U2SURP: variants seen among roughly 807,000 people sequenced by gnomAD.
The protein encoded by U2SURP is U2 snRNP associated SURP domain containing.
A neutral mutation model predicts 144.9 loss-of-function variants in U2SURP; 9 were observed. The observed-to-expected ratio is 0.06, with a 90% CI of 0.04 to 0.11. The LOEUF (loss-of-function observed/expected upper bound fraction) is 0.11. U2SURP is among the 10% of genes least tolerant of loss of function. The pLI is 1.00. For synonymous variants in U2SURP, 408 were observed against 396.8 expected (o/e 1.03, Z -0.33); for missense variants, 724 against 1,226.7 (o/e 0.59, Z 6.12).
intron 1 of U2SURP, among the ~76,000 whole-genome samples, chr3:143,005,479 T>C (rs750595681): frequency 6.6e-6 from 1 of 152,238 alleles, no homozygotes; most frequent in Admixed American, 6.5e-5. Flanking sequence ...TTATGGTTTA[T>C]GGTTGTAACC....
chr3:143,002,124 A>C (rs1935565916), intron 1 of U2SURP: 1 of 241,606 alleles, frequency 4.1e-6, no homozygotes, highest in Non-Finnish European at 8.2e-6. Context: ...CCCTCCAAGG[A>C]ATGAATAACC....
rs138131725 is a variant in U2SURP at position 143,051,688 on chromosome 3, C to A, written c.2655+639C>A. On this transcript the variant is annotated intron_variant, in intron 25 of 27. Coordinates refer to ENST00000473835, the MANE Select transcript of U2SURP (RefSeq NM_001080415.2). ...GAAAGAGCCATAAAAAGGGAACTTA[C>A]AATCACTATAAAGCTGTTAATGTAC... Among the ~76,000 whole-genome samples, 180 of 147,576 alleles carry A rather than the reference C, an allele frequency of 1.2e-3. 1 individual carries two copies. The highest frequency in any genetic ancestry group is 4.2e-3 in the African/African-American group (167 of 40,198).
At chr3:143,049,602 C>G (rs982631614) in intron 24 of U2SURP, among the ~76,000 whole-genome samples, 2 of 152,292 alleles carry the variant, frequency 1.3e-5, no homozygotes, top group Middle Eastern at 3.4e-3. Context: ...GGTCCTCATA[C>G]TTTTCACCTT....
At chr3:143,048,794 G>T (rs543379282) in intron 24 of U2SURP, among the ~76,000 whole-genome samples, 36 of 152,174 alleles carry the variant, frequency 2.4e-4, no homozygotes, top group African/African-American at 8.7e-4. Flanking sequence ...TTGAACCTGG[G>T]AGACTGTCTG....
rs376693702 is a variant in U2SURP at position 143,028,504 on chromosome 3, C to T, written c.1468C>T (p.Arg490Trp). 68 of 1,594,094 alleles carry T rather than the reference C, an allele frequency of 4.3e-5. No individual in the cohort carries two copies. Among genetic ancestry groups the T allele is most frequent in the Non-Finnish European group, 3.2e-5 (38 of 1,174,282 alleles). ...TTAGGGAGATTCTCCAACTAAATGG[C>T]GGACGGAAGATTTTCGTATGTTCAA... is the stretch of plus-strand genomic sequence containing the variant. Reference protein sequence around the residue: ...ILQGDSPTKWRTEDFRMFKNG... With the variant: ...ILQGDSPTKWWTEDFRMFKNG... Residue 490 changes from arginine to tryptophan, a missense_variant, in exon 16 of 28, where the codon CGG becomes TGG. By Grantham distance (101) the Arg-to-Trp change is moderately radical. Around this residue, in one of 13 missense-constraint regions of U2SURP, gnomAD observed 66 missense variants for 95.0 expected, o/e 0.69. Coordinates refer to ENST00000473835, the MANE Select transcript of U2SURP (RefSeq NM_001080415.2).
At chr3:143,034,093 G>C (rs775413080) in intron 18 of U2SURP, among the ~76,000 whole-genome samples, 1 of 152,112 alleles carries the variant, frequency 6.6e-6, no homozygotes, top group Non-Finnish European at 1.5e-5. Context: ...AGGAAGTTAC[G>C]TTGCTGTATT....
intron 10 of U2SURP, among the ~76,000 whole-genome samples, chr3:143,021,799 G>A (rs1357307336): frequency 6.6e-6 from 1 of 152,132 alleles, no homozygotes; most frequent in Non-Finnish European, 1.5e-5. Flanking sequence ...TTAAATCAGG[G>A]TGTGACCATT....
chr3:143,016,225 T>C, intron 4 of U2SURP, 32 bp from the exon 5 acceptor site: 1 of 1,584,974 alleles, frequency 6.3e-7, no homozygotes, highest in Non-Finnish European at 8.7e-7. Flanking sequence ...ATTTTTGTAT[T>C]GTGTAATATT....
At chr3:143,019,714 A>AAC (rs1936542196) in intron 6 of U2SURP, among the ~76,000 whole-genome samples, 1 of 152,200 alleles carries the variant, frequency 6.6e-6, no homozygotes, top group Non-Finnish European at 1.5e-5. Flanking sequence ...ATGGCAGTTC[A>AAC]GTTACTTCAT....
chr3:143,042,901 TCA>T (rs1472780758), intron 23 of U2SURP, among the ~76,000 whole-genome samples: 3 of 152,204 alleles, frequency 2.0e-5, no homozygotes, highest in Non-Finnish European at 4.4e-5. Context: ...ATGTTGAAGC[TCA>T]CACATTTTCT....
intron 23 of U2SURP, among the ~76,000 whole-genome samples, chr3:143,039,202 G>A: frequency 6.6e-6 from 1 of 151,800 alleles, no homozygotes; most frequent in Non-Finnish European, 1.5e-5. Context: ...TCACTTTGTA[G>A]TTACTAATTG....
intron 9 of U2SURP, 32 bp downstream of exon 9, chr3:143,021,417 A>G: frequency 1.2e-6 from 2 of 1,607,864 alleles, no homozygotes; most frequent in African/African-American, 1.3e-5. Context: ...TTAATCGATA[A>G]ATTTTCCAAA....
rs1560169276 is a variant in U2SURP at position 143,001,671 on chromosome 3, A to G, written c.43A>G (p.Lys15Glu). The change falls in exon 1 of 28, where the codon AAG (lysine) becomes GAG (glutamate). Residue 15 changes from lysine to glutamate, a missense_variant and splice_region_variant. Transcript: ENST00000473835. ...TPGGSQKASS[K>E]TRSSDVHSSG... is the part of the protein sequence containing the mutation. ...AGGCGGATCTCAGAAGGCCAGTTCA[A>G]AGGTAATTTCTGACAAAATTTCGTA... 1 of 1,613,956 alleles carries G rather than the reference A, an allele frequency of 6.2e-7. No homozygotes were observed. Among genetic ancestry groups the G allele is most frequent in the Non-Finnish European group, 8.5e-7 (1 of 1,179,860 alleles).
Position 143,020,703 on chromosome 3 carries a change from A to G in U2SURP, c.733+10A>G. 1 of 1,598,476 alleles carries G rather than the reference A, an allele frequency of 6.3e-7. No individual in the cohort carries two copies. Among genetic ancestry groups the G allele is most frequent in the Non-Finnish European group, 8.6e-7 (1 of 1,167,632 alleles). Reference sequence around the variant, plus strand: ...GGTCAGCGTCGTTCTAGTAAGTGGCATTTATTTTAATGTGTATGCTTGTGA... The same window carrying G: ...GGTCAGCGTCGTTCTAGTAAGTGGCGTTTATTTTAATGTGTATGCTTGTGA... On this transcript the variant is annotated intron_variant, in intron 8 of 27. Coordinates refer to ENST00000473835, the MANE Select transcript of U2SURP (RefSeq NM_001080415.2).
rs762834528 is a variant in U2SURP at position 143,001,645 on chromosome 3, C to A, written c.17C>A (p.Pro6Gln). 6.2e-7 allele frequency: 1 copy of A among 1,614,018 alleles called. No individual in the cohort carries two copies. Among genetic ancestry groups the A allele is most frequent in the Admixed American group, 1.7e-5 (1 of 60,030 alleles). The change falls in exon 1 of 28, where the codon CCA (proline) becomes CAA (glutamine). Residue 6 changes from proline (P) to glutamine (Q), a missense_variant. This residue lies in a region of U2SURP where 127 missense variants were observed against 98.2 expected (regional missense o/e 1.29). Coordinates refer to ENST00000473835, the MANE Select transcript of U2SURP (RefSeq NM_001080415.2). MADKT[P>Q]GGSQKASSKT... ...AAGCTCAAGATGGCGGACAAAACGC[C>A]AGGCGGATCTCAGAAGGCCAGTTCA...
Position 143,032,777 on chromosome 3 carries a change from T to C in U2SURP, c.1611-7T>C, listed in dbSNP as rs1285570959. On this transcript the variant is annotated splice_region_variant and splice_polypyrimidine_tract_variant and intron_variant, in intron 16 of 27. Coordinates refer to ENST00000473835, the MANE Select transcript of U2SURP (RefSeq NM_001080415.2). ...AATATTTATAAGTTAAAACAATTTA[T>C]GTTCAGACAGAGGGATAAATTGGAA... is the stretch of plus-strand genomic sequence containing the variant. 1 of 1,607,418 alleles carries C rather than the reference T, an allele frequency of 6.2e-7. No individual in the cohort carries two copies. The highest frequency in any genetic ancestry group is 1.1e-5 in the South Asian group (1 of 89,254).
Position 143,027,207 on chromosome 3 carries a change from T to C in U2SURP, c.1333T>C (p.Phe445Leu). The change falls in exon 14 of 28, where the codon TTT becomes CTT. Residue 445 changes from phenylalanine (F) to leucine (L), a missense_variant. Physicochemically the swap from Phe to Leu is conservative, Grantham distance 22. Coordinates refer to ENST00000473835, the MANE Select transcript of U2SURP (RefSeq NM_001080415.2). ...IEFVVREGPM[F>L]EAMIMNREIN... ...GTTTGTTGTACGTGAAGGGCCAATG[T>C]TTGAAGCTATGATTATGAACAGAGA... The C allele has an allele frequency of 1.9e-6, 3 of 1,613,102 alleles. No individual in the cohort carries two copies. The highest frequency in any genetic ancestry group is 2.5e-6 in the Non-Finnish European group (3 of 1,179,210).
intron 13 of U2SURP, among the ~76,000 whole-genome samples, chr3:143,024,899 T>C (rs1933040486): frequency 6.6e-6 from 1 of 152,112 alleles, no homozygotes; most frequent in African/African-American, 2.4e-5. Context: ...GTTTTTGTTT[T>C]TTTTTTGGTT....
chr3:143,007,411 C>G (rs925529179), intron 1 of U2SURP, among the ~76,000 whole-genome samples: 28 of 151,218 alleles, frequency 1.9e-4, no homozygotes, highest in African/African-American at 5.8e-4. Flanking sequence ...GCATGAGCCA[C>G]TCCCTCCAGC....
Sources: gnomAD v4.1 joint callset for allele counts (sites outside exome capture counted in the v4.1 genomes callset) on GRCh38, gnomAD v4.1.1 for gene constraint, gnomAD v4.1.1 regional missense constraint, MANE v1.5 for transcripts, NCBI Gene and HGNC (gene_info 2026-07-23, HGNC 2026-07-21) for gene names.